The following DYNLT2B variants were observed in gnomAD, a reference collection of about 807,000 sequenced individuals.
The protein encoded by DYNLT2B is dynein light chain Tctex-type protein 2B.
In DYNLT2B, 14 loss-of-function variants were observed where a neutral mutation model predicts 19.5. The ratio of observed to expected loss-of-function variants is 0.72; its 90% confidence interval spans 0.47 to 1.12. The LOEUF is 1.12. Among genes scored for constraint, DYNLT2B ranks in the 50% most tolerant of loss-of-function variants. The probability of loss-of-function intolerance (pLI) is 0.00; values close to 1 mark genes in which losing one functional copy is unlikely to be tolerated. For synonymous variants in DYNLT2B, 70 were observed against 59.7 expected, an observed-to-expected ratio of 1.17 and a Z score of -0.79; for missense variants, 133 against 174.7, an observed-to-expected ratio of 0.76 and a Z score of 1.35.
rs577539646 is a variant in DYNLT2B, at chr3:196,317,980, G to A, written c.113+60C>T. ...CTTCCGTGGCCCAGGTCCCAGGCGA[G>A]CTCCGCCCCTCAGACCAGCGCGCTC... On this transcript the variant is annotated intron_variant, in intron 1 of 4. Transcript: ENST00000325318. 41 of 1,070,680 alleles carry A rather than the reference G, an allele frequency of 3.8e-5. No homozygotes were observed. The East Asian group carries it at 1.2e-3, about 32-fold the overall frequency. 66.3% of individuals were successfully genotyped at this position (1,070,680 alleles called of 1,614,324 possible). A position where few individuals can be genotyped will look rare whatever the true frequency, so the allele number is the denominator to read the frequency against.
At chr3:196,300,673 G>A (rs941422415) in intron 3 of DYNLT2B, among the ~76,000 whole-genome samples, 1 of 145,396 alleles carries the variant, frequency 6.9e-6, no homozygotes, top group Non-Finnish European at 1.5e-5. Context: ...AGGTTGTGGT[G>A]AGCCAAGATC....
chr3:196,302,868 C>G (rs1318613615), intron 3 of DYNLT2B, among the ~76,000 whole-genome samples: 1 of 151,960 alleles, frequency 6.6e-6, no homozygotes, highest in Admixed American at 6.6e-5. Context: ...GCTGAACTAA[C>G]TTGGGGGGAA....
intron 4 of DYNLT2B, among the ~76,000 whole-genome samples, chr3:196,293,385 G>A (rs1231649934): frequency 6.6e-6 from 1 of 151,938 alleles, no homozygotes; most frequent in Non-Finnish European, 1.5e-5. Context: ...CAGCACTTTG[G>A]GAGGCCAAAG....
chr3:196,318,036 C>T lies in DYNLT2B; in HGVS notation c.113+4G>A. 1 of 1,515,814 alleles carries T rather than the reference C, an allele frequency of 6.6e-7. No individual in the cohort carries two copies. Among genetic ancestry groups the T allele is most frequent in the Non-Finnish European group, 8.8e-7 (1 of 1,131,880 alleles). 93.9% of individuals were successfully genotyped at this position (1,515,814 alleles called of 1,614,324 possible). On this transcript the variant is annotated splice_donor_region_variant and intron_variant, in intron 1 of 4. Coordinates refer to ENST00000325318, the MANE Select transcript of DYNLT2B (RefSeq NM_152773.5). ...CGCCCCGCCACAGCCCGTCCTCTAC[C>T]CGCCTCTGCTGGAAAACAGGCCGCA...
chr3:196,316,909 T>G (rs1195268424), intron 1 of DYNLT2B, among the ~76,000 whole-genome samples: 3 of 35,296 alleles, frequency 8.5e-5, no homozygotes, highest in Non-Finnish European at 1.3e-4. Context: ...GTGTGTGTGT[T>G]GTGTGGTGTG....
At position 196,307,027 on chromosome 3, in the gene DYNLT2B, T is replaced by G; in HGVS notation, c.248-15A>C. On this transcript the variant is annotated splice_polypyrimidine_tract_variant and intron_variant, in intron 2 of 4. Transcript: ENST00000325318. ...AAATCCCATTTCTAGAAAGAAAAAATAAGGTTATTTATAAGCAAATATGTA... is the reference window on the plus strand; with the variant it reads ...AAATCCCATTTCTAGAAAGAAAAAAGAAGGTTATTTATAAGCAAATATGTA... The G allele has an allele frequency of 6.2e-7, 1 of 1,609,770 alleles. No individual in the cohort carries two copies. The highest frequency in any genetic ancestry group is 8.5e-7 in the Non-Finnish European group (1 of 1,177,016).
At chr3:196,310,873 C>A (rs1218800342) in intron 2 of DYNLT2B, among the ~76,000 whole-genome samples, 1 of 151,860 alleles carries the variant, frequency 6.6e-6, no homozygotes, top group East Asian at 1.9e-4. Flanking sequence ...GTAGCTGGAA[C>A]CATAGGCGTG....
At chr3:196,308,700 C>G (rs773476243) in intron 2 of DYNLT2B, among the ~76,000 whole-genome samples, 2 of 152,186 alleles carry the variant, frequency 1.3e-5, no homozygotes, top group Admixed American at 1.3e-4. Flanking sequence ...AGACTACAGG[C>G]AATCTCCCAT....
intron 2 of DYNLT2B, among the ~76,000 whole-genome samples, chr3:196,310,620 G>A (rs1312436955): frequency 2.1e-5 from 3 of 143,196 alleles, no homozygotes; most frequent in Non-Finnish European, 4.6e-5. Flanking sequence ...TAGAGACACG[G>A]TTTCACCATG....
intron 1 of DYNLT2B, among the ~76,000 whole-genome samples, chr3:196,316,917 G>GT: frequency 7.2e-6 from 1 of 139,576 alleles, no homozygotes; most frequent in Non-Finnish European, 1.5e-5. Flanking sequence ...GTTGTGTGGT[G>GT]TGTGTGTGTG....
Position 196,317,070 on chromosome 3 carries a change from T to TG in DYNLT2B, c.114-840dup, listed in dbSNP as rs769559678. On this transcript the variant is annotated intron_variant, in intron 1 of 4. Coordinates refer to ENST00000325318, the MANE Select transcript of DYNLT2B (RefSeq NM_152773.5). ...TTGTGTGGTGTGTGTGTGGTGTGTG[T>TG]GTGTGTGTGTGTGTGTGTAAAGTTA... Among the ~76,000 whole-genome samples, 28 of 64,758 alleles carry TG rather than the reference T, an allele frequency of 4.3e-4. 3 individuals carry two copies. In the East Asian group the frequency reaches 0.017, roughly 40 times the overall value. 42.5% of individuals were successfully genotyped at this position (64,758 alleles called of 152,430 possible).
At position 196,295,451 on chromosome 3, in the gene DYNLT2B, G is replaced by A. The variant is rs147036583; in HGVS notation, c.381+555C>T. 4.5e-3 allele frequency among the ~76,000 whole-genome samples: 691 copies of A among 152,234 alleles called. 4 individuals are homozygous for A. Among genetic ancestry groups the A allele is most frequent in the African/African-American group, 0.016 (654 of 41,540 alleles). On this transcript the variant is annotated intron_variant, in intron 4 of 4. Coordinates refer to ENST00000325318, the MANE Select transcript of DYNLT2B (RefSeq NM_152773.5). Reference sequence around the variant, plus strand: ...GCTGGGATTATAGGCATGAGCCACCGCGCCTGGCCTGAAACATCTTTTTAA... The same window carrying A: ...GCTGGGATTATAGGCATGAGCCACCACGCCTGGCCTGAAACATCTTTTTAA...
intron 3 of DYNLT2B, chr3:196,298,149 T>C (rs1726267977): frequency 2.7e-6 from 1 of 366,398 alleles, no homozygotes; most frequent in Non-Finnish European, 5.4e-6. Context: ...CACTGGAGAA[T>C]GGGACGATTT....
chr3:196,316,032 G>C (rs1379846855), intron 2 of DYNLT2B, 66 bp downstream of exon 2: 2 of 1,542,830 alleles, frequency 1.3e-6, no homozygotes, highest in East Asian at 2.3e-5. Context: ...AAGATGGAGA[G>C]GGGGCAAATG....
At chr3:196,304,111 T>C (rs1207898069) in intron 3 of DYNLT2B, among the ~76,000 whole-genome samples, 1 of 152,184 alleles carries the variant, frequency 6.6e-6, no homozygotes, top group African/African-American at 2.4e-5. Flanking sequence ...CTAAAACTAT[T>C]TTAAAATAAA....
intron 3 of DYNLT2B, among the ~76,000 whole-genome samples, chr3:196,300,898 A>T (rs1033114113): frequency 6.6e-6 from 1 of 151,162 alleles, no homozygotes; most frequent in African/African-American, 2.4e-5. Flanking sequence ...TCTCAACAAA[A>T]ACATACAAAA....
At chr3:196,306,144 G>GT (rs1426468325) in intron 3 of DYNLT2B, among the ~76,000 whole-genome samples, 6 of 151,562 alleles carry the variant, frequency 4.0e-5, no homozygotes, top group Admixed American at 2.0e-4. Flanking sequence ...TGGCATGGTG[G>GT]TTCAAGCCTA....
At chr3:196,315,580 C>A (rs1726764700) in intron 2 of DYNLT2B, among the ~76,000 whole-genome samples, 1 of 149,132 alleles carries the variant, frequency 6.7e-6, no homozygotes, top group Non-Finnish European at 1.5e-5. Flanking sequence ...CTTTTTAATA[C>A]ACATGAGGTC....
At chr3:196,298,108 C>G in intron 3 of DYNLT2B, 1 of 331,916 alleles carries the variant, frequency 3.0e-6, no homozygotes, top group South Asian at 3.0e-5. Context: ...TCCAGTTGTG[C>G]CTGATTTTAT....
Sources: allele counts gnomAD v4.1 joint callset (sites outside exome capture counted in the v4.1 genomes callset), GRCh38; gene constraint gnomAD v4.1.1; transcripts MANE v1.5; gene names NCBI Gene and HGNC (gene_info 2026-07-23, HGNC 2026-07-21).